HECTD4: variants seen among roughly 807,000 people sequenced by gnomAD.
The protein encoded by HECTD4 is probable E3 ubiquitin-protein ligase HECTD4.
In HECTD4, 114 loss-of-function variants were observed where a neutral mutation model predicts 471.5. That is an observed-to-expected ratio of 0.24 (90% CI 0.21 to 0.28). The LOEUF is 0.28. Among genes scored for constraint, HECTD4 ranks in the 10% least tolerant of loss-of-function variants. HECTD4 has a pLI of 1.00. For missense variants in HECTD4, 3,866 were observed against 5,651.5 expected (o/e 0.68, Z 10.13); for synonymous variants, 2,012 against 2,256.0 (o/e 0.89, Z 3.07).
At position 112,259,184 on chromosome 12, in the gene HECTD4, T is replaced by C. The variant is rs1205004686; in HGVS notation, c.2955A>G (p.Pro985=). Residue 985 remains proline, a synonymous_variant, in exon 19 of 76, where the codon CCA becomes CCG. Transcript: ENST00000682272. ...CCGCCATGATCAGAGTCTGTAAATT[T>C]GGATGCATCAAGGAGGTCAGTAACA... ...LPVLLTSLMH[P]NLQTLIMADA... is the part of the protein sequence containing the mutation. The C allele has an allele frequency of 1.2e-6, 2 of 1,613,860 alleles. No individual in the cohort carries two copies. Among genetic ancestry groups the C allele is most frequent in the African/African-American group, 2.7e-5 (2 of 74,930 alleles).
intron 45 of HECTD4, 123 bp from the exon 46 acceptor site, chr12:112,217,318 T>TACACAC (rs201184790): frequency 4.3e-6 from 2 of 470,462 alleles, no homozygotes; most frequent in Admixed American, 4.0e-5. Context: ...CACACACACA[T>TACACAC]ACACACACAC....
At chr12:112,234,769 C>G (rs531146312) in intron 37 of HECTD4, among the ~76,000 whole-genome samples, 1 of 152,226 alleles carries the variant, frequency 6.6e-6, no homozygotes, top group Non-Finnish European at 1.5e-5. Context: ...AAGCCCAAGT[C>G]ACACTGGAGG....
Position 112,163,783 on chromosome 12 carries a change from G to C in HECTD4, c.12702-46C>G, listed in dbSNP as rs2030806046. ...GGTGAGGGAGAACACCGCCGAAGAG[G>C]CTGGGTCTGGGGGCCACACCCACTC... On this transcript the variant is annotated intron_variant, in intron 73 of 75. Transcript: ENST00000682272. This position sits in a 1 kb window ranked among gnomAD's most constrained non-coding sequence, Gnocchi z 8.2. 7.1e-7 allele frequency: 1 copy of C among 1,405,300 alleles called. No individual in the cohort carries two copies. Among genetic ancestry groups the C allele is most frequent in the African/African-American group, 1.5e-5 (1 of 68,240 alleles). The allele number at this position is 1,405,300 out of a possible 1,614,324, so 87.1% of individuals were successfully genotyped here. A position where few individuals can be genotyped will look rare whatever the true frequency, so the allele number is the denominator to read the frequency against.
intron 49 of HECTD4, among the ~76,000 whole-genome samples, chr12:112,211,812 A>C (rs1202428299): frequency 1.3e-5 from 2 of 152,192 alleles, no homozygotes; most frequent in South Asian, 2.1e-4. Flanking sequence ...GAGATGAAGA[A>C]GACTGGGGAA....
At chr12:112,265,061 G>A (rs572784166) in intron 16 of HECTD4, 114 bp downstream of exon 16, 56 of 1,003,076 alleles carry the variant, frequency 5.6e-5, no homozygotes, top group Non-Finnish European at 6.9e-5. Flanking sequence ...CACTGCGCCC[G>A]GCCTTTCATA....
intron 69 of HECTD4, chr12:112,170,048 G>A: frequency 1.8e-6 from 1 of 547,862 alleles, no homozygotes; most frequent in South Asian, 2.1e-5. Context: ...TTTGATGCTG[G>A]AATCCCCATT....
Position 112,163,809 on chromosome 12 carries a change from A to G in HECTD4, c.12702-72T>C. 1 of 1,298,402 alleles carries G rather than the reference A, an allele frequency of 7.7e-7. No individual in the cohort carries two copies. Among genetic ancestry groups the G allele is most frequent in the South Asian group, 1.8e-5 (1 of 57,034 alleles). 80.4% of individuals were successfully genotyped at this position (1,298,402 alleles called of 1,614,324 possible). A position where few individuals can be genotyped will look rare whatever the true frequency, so the allele number is the denominator to read the frequency against. On this transcript the variant is annotated intron_variant, in intron 73 of 75. Coordinates refer to ENST00000682272, the MANE Select transcript of HECTD4 (RefSeq NM_001388303.1). This position sits in a 1 kb window ranked among gnomAD's most constrained non-coding sequence, Gnocchi z 8.2. ...CTGGGTCTGGGGGCCACACCCACTC[A>G]GCTGGAGGTCCCGGATCCTCTCTTG...
At chr12:112,164,415 G>A (rs1474772669) in intron 72 of HECTD4, 140 bp from the exon 73 acceptor site, 10 of 871,150 alleles carry the variant, frequency 1.1e-5, no homozygotes, top group East Asian at 5.1e-5. Flanking sequence ...CACAGCTTTC[G>A]CCAATCAGAA....
intron 13 of HECTD4, 97 bp from the exon 14 acceptor site, chr12:112,267,079 A>G (rs2034292770): frequency 4.2e-6 from 3 of 716,412 alleles, no homozygotes; most frequent in Non-Finnish European, 7.1e-6. Context: ...TGTCAATTGG[A>G]TGTGAGGGCA....
chr12:112,209,205 C>G (rs530891610), intron 50 of HECTD4, among the ~76,000 whole-genome samples: 1 of 152,128 alleles, frequency 6.6e-6, no homozygotes, highest in African/African-American at 2.4e-5. Flanking sequence ...TGGCCCTAAA[C>G]AGAATCTTAA....
intron 60 of HECTD4, among the ~76,000 whole-genome samples, chr12:112,187,950 A>C (rs1281123013): frequency 1.3e-5 from 2 of 151,840 alleles, no homozygotes; most frequent in African/African-American, 4.8e-5. Context: ...ACTAAATTTA[A>C]GTTTTAAAAA....
At chr12:112,355,866 G>A (rs2036327864) in intron 1 of HECTD4, among the ~76,000 whole-genome samples, 1 of 152,114 alleles carries the variant, frequency 6.6e-6, no homozygotes, top group Non-Finnish European at 1.5e-5. Flanking sequence ...TCACAGATGC[G>A]AACAGTATTA....
rs2033307149 is a variant in HECTD4, at chr12:112,228,917, A to G, written c.6520-106T>C. The G allele has an allele frequency of 9.0e-6, 10 of 1,117,000 alleles. No homozygotes were observed. The South Asian group carries it at 1.2e-4, about 13-fold the overall frequency. The allele number at this position is 1,117,000 out of a possible 1,614,324, so 69.2% of individuals were successfully genotyped here. A position where few individuals can be genotyped will look rare whatever the true frequency, so the allele number is the denominator to read the frequency against. On this transcript the variant is annotated intron_variant, in intron 41 of 75. Transcript: ENST00000682272. The surrounding 1 kb of genome is among the most constrained non-coding windows in gnomAD (Gnocchi z 4.9). ...ATTTATAGTTGTCATTGTTGGCGTTACAGTAATAGTTTATACTACTAGGGT... is the reference window on the plus strand; with the variant it reads ...ATTTATAGTTGTCATTGTTGGCGTTGCAGTAATAGTTTATACTACTAGGGT...
At chr12:112,226,536 C>T (rs919795281) in intron 44 of HECTD4, 107 bp downstream of exon 44, 1 of 596,292 alleles carries the variant, frequency 1.7e-6, no homozygotes, top group Admixed American at 2.8e-5. Context: ...TACAGCTCGG[C>T]TGTTTTGATG....
chr12:112,209,953 A>AATTC, intron 50 of HECTD4, 62 bp downstream of exon 50: 1 of 1,355,980 alleles, frequency 7.4e-7, no homozygotes, highest in Non-Finnish European at 1.0e-6. Flanking sequence ...GGGTTTATGG[A>AATTC]ATTCATAACA....
In HECTD4 at chr12:112,370,650, G is replaced by A. The variant is rs529825565; in HGVS notation, c.177+11302C>T. Among the ~76,000 whole-genome samples the A allele has an allele frequency of 1.1e-4, 17 of 152,178 alleles. No individual in the cohort carries two copies. The East Asian group carries it at 1.9e-3, about 17-fold the overall frequency. On this transcript the variant is annotated intron_variant, in intron 1 of 75. Transcript: ENST00000682272. ...TAAAATGGTCTTGAAGAATATACACGAAAAAATTTTCACTAATTTAGCCAG... is the reference window on the plus strand; with the variant it reads ...TAAAATGGTCTTGAAGAATATACACAAAAAAATTTTCACTAATTTAGCCAG...
chr12:112,210,470 T>A (rs1242916223), intron 49 of HECTD4, among the ~76,000 whole-genome samples: 2 of 152,190 alleles, frequency 1.3e-5, no homozygotes, highest in Non-Finnish European at 1.5e-5. Context: ...CACACTCTCA[T>A]GTACTTTGCT....
intron 7 of HECTD4, among the ~76,000 whole-genome samples, chr12:112,288,963 C>A (rs548396802): frequency 1.3e-5 from 2 of 152,186 alleles, no homozygotes; most frequent in Admixed American, 6.5e-5. Flanking sequence ...AACTGAAATA[C>A]CTTAAAAGTC....
chr12:112,171,234 A>AGCGCAG lies in HECTD4; in HGVS notation c.11809_11814dup (p.Leu3937_Arg3938dup). 6.2e-7 allele frequency: 1 copy of AGCGCAG among 1,610,994 alleles called. No individual in the cohort carries two copies. On this transcript the variant is annotated inframe_insertion, in exon 68 of 76. Transcript: ENST00000682272. ...GTGTTGAGGGACTGCAGCAAGGCGA[A>AGCGCAG]GCGCAGGCGCAGGCTCTCGATGGGC...
Sources: allele counts gnomAD v4.1 joint callset (sites outside exome capture counted in the v4.1 genomes callset), GRCh38; gene constraint gnomAD v4.1.1; non-coding constraint Gnocchi (gnomAD v3.1); transcripts MANE v1.5; gene names NCBI Gene and HGNC (gene_info 2026-07-23, HGNC 2026-07-21).